PDE10A: variants seen among roughly 807,000 people sequenced by gnomAD.
PDE10A encodes phosphodiesterase 10A.
PDE10A carries 39 observed loss-of-function variants against 97.7 expected under a neutral mutation model. The ratio of observed to expected loss-of-function variants is 0.40; its 90% CI spans 0.31 to 0.52. The LOEUF (loss-of-function observed/expected upper bound fraction) is 0.52. PDE10A is among the 20% of genes least tolerant of loss of function. The pLI is 0.56. For synonymous variants in PDE10A, 371 were observed against 376.8 expected (o/e 0.98, Z 0.18); for missense variants, 731 against 1,047.8 (o/e 0.70, Z 4.17).
chr6:165,438,118 C>T (rs1790159468), intron 5 of PDE10A, among the ~76,000 whole-genome samples: 1 of 152,170 alleles, frequency 6.6e-6, no homozygotes, highest in African/African-American at 2.4e-5. Context: ...GAATCATTAT[C>T]ACTTTTCCAC....
chr6:165,946,127 G>T (rs1783758248), intron 1 of PDE10A, among the ~76,000 whole-genome samples: 1 of 152,152 alleles, frequency 6.6e-6, no homozygotes, highest in African/African-American at 2.4e-5. Flanking sequence ...ATTGGTCACG[G>T]GTTAGGAAGG....
At position 165,358,100 on chromosome 6, in the gene PDE10A, C is replaced by T. The variant is rs188859496; in HGVS notation, c.2784-14598G>A. On this transcript the variant is annotated intron_variant, in intron 18 of 21. Coordinates refer to ENST00000539869, the MANE Select transcript of PDE10A (RefSeq NM_001385079.1). ...GGGTTATTTAGAAGTATACTGTTTA[C>T]TTTCCAAATGGTTGGGGTTTTCCAG... is the stretch of plus-strand genomic sequence containing the variant. Among the ~76,000 whole-genome samples, 1,223 of 152,192 alleles carry T rather than the reference C, an allele frequency of 8.0e-3. 11 individuals carry two copies. The highest frequency in any genetic ancestry group is 0.058 in the South Asian group (281 of 4,818).
At chr6:165,886,370 C>G (rs1009325926) in intron 1 of PDE10A, among the ~76,000 whole-genome samples, 2 of 150,820 alleles carry the variant, frequency 1.3e-5, no homozygotes, top group African/African-American at 4.9e-5. Flanking sequence ...CCCTGGAACC[C>G]TGGAGCCCTG....
chr6:165,696,264 G>T (rs140421115), intron 1 of PDE10A, among the ~76,000 whole-genome samples: 1 of 152,314 alleles, frequency 6.6e-6, no homozygotes, highest in Admixed American at 6.5e-5. Flanking sequence ...ACTTTTCACA[G>T]TTTTGTTTAC....
At chr6:165,369,210 C>T (rs893004423) in intron 18 of PDE10A, among the ~76,000 whole-genome samples, 35 of 152,140 alleles carry the variant, frequency 2.3e-4, no homozygotes, top group Admixed American at 1.3e-3. Flanking sequence ...TCACCAGCAA[C>T]GGAACAAAGC....
At position 165,586,547 on chromosome 6, in the gene PDE10A, AAAG is replaced by A. The variant is rs531251573; in HGVS notation, c.866-42982_866-42980del. ...CTGATACTATATATCAAAAGGCCTA[AAAG>A]AAGAAAAGCAAACCTCTAATTAAAA... On this transcript the variant is annotated intron_variant, in intron 1 of 21. Transcript: ENST00000539869. Among the ~76,000 whole-genome samples the A allele has an allele frequency of 1.6e-3, 248 of 152,330 alleles. 1 individual carries two copies. The Middle Eastern group carries it at 0.02, about 13-fold the overall frequency.
At chr6:165,556,337 T>C (rs1333614557) in intron 1 of PDE10A, among the ~76,000 whole-genome samples, 2 of 151,876 alleles carry the variant, frequency 1.3e-5, no homozygotes, top group Non-Finnish European at 2.9e-5. Context: ...TCAAAACGGG[T>C]AAAAACAGGA....
chr6:165,968,680 A>T (rs1237087854), intron 1 of PDE10A, among the ~76,000 whole-genome samples: 1 of 152,226 alleles, frequency 6.6e-6, no homozygotes, highest in Non-Finnish European at 1.5e-5. Flanking sequence ...AAGGGATTTT[A>T]AAATGTTTTG....
intron 1 of PDE10A, among the ~76,000 whole-genome samples, chr6:165,799,912 A>C (rs1323498701): frequency 6.6e-6 from 1 of 152,224 alleles, no homozygotes; most frequent in Non-Finnish European, 1.5e-5. Context: ...GCAGTTAGCC[A>C]GGTCATCTGG....
intron 1 of PDE10A, among the ~76,000 whole-genome samples, chr6:165,741,137 C>T (rs1364800487): frequency 6.6e-6 from 1 of 152,066 alleles, no homozygotes; most frequent in Non-Finnish European, 1.5e-5. Flanking sequence ...CACATACCTA[C>T]AAAAAGGTAA....
At position 165,805,075 on chromosome 6, in the gene PDE10A, G is replaced by A. The variant is rs576893092; in HGVS notation, c.-615+182454C>T. ...AGAGGAGCATGGAGGGACATGGGGC[G>A]TACGGAGGGGCAGCGGGGCCTGGGG... On this transcript the variant is annotated intron_variant, in intron 1 of 19. Coordinates refer to the PDE10A transcript ENST00000366882. 1.4e-4 allele frequency among the ~76,000 whole-genome samples: 21 copies of A among 149,394 alleles called. 1 individual carries two copies. Among genetic ancestry groups the A allele is most frequent in the African/African-American group, 4.9e-4 (20 of 40,522 alleles).
At chr6:165,339,211 G>T in intron 20 of PDE10A, 67 bp downstream of exon 20, 1 of 889,184 alleles carries the variant, frequency 1.1e-6, no homozygotes, top group Non-Finnish European at 1.9e-6. Context: ...TTCCATTTAT[G>T]TATGATTTTA....
At chr6:165,795,867 G>A (rs1778813516) in intron 1 of PDE10A, among the ~76,000 whole-genome samples, 1 of 152,056 alleles carries the variant, frequency 6.6e-6, no homozygotes, top group South Asian at 2.1e-4. Context: ...TACAGATGAG[G>A]TCAAAAAGAA....
intron 1 of PDE10A, among the ~76,000 whole-genome samples, chr6:165,719,247 T>C (rs1792103483): frequency 6.6e-6 from 1 of 152,130 alleles, no homozygotes; most frequent in South Asian, 2.1e-4. Flanking sequence ...TCATGTTCAA[T>C]GGCACAGCAC....
At chr6:165,344,626 T>G (rs1253927335) in intron 18 of PDE10A, among the ~76,000 whole-genome samples, 1 of 152,210 alleles carries the variant, frequency 6.6e-6, no homozygotes, top group African/African-American at 2.4e-5. Flanking sequence ...GACTCTGCTC[T>G]AGTAGTGCTC....
chr6:165,637,478 C>A (rs1463929190), intron 1 of PDE10A, among the ~76,000 whole-genome samples: 1 of 152,128 alleles, frequency 6.6e-6, no homozygotes, highest in Non-Finnish European at 1.5e-5. Flanking sequence ...GTAACACACA[C>A]AAGACTGCGG....
intron 1 of PDE10A, among the ~76,000 whole-genome samples, chr6:165,939,063 G>T (rs1685096948): frequency 1.3e-5 from 2 of 152,202 alleles, no homozygotes; most frequent in Admixed American, 1.3e-4. Context: ...CCAGCACAAA[G>T]AATTAATTAG....
chr6:165,514,281 T>C (rs1235055856), intron 2 of PDE10A, among the ~76,000 whole-genome samples: 1 of 152,234 alleles, frequency 6.6e-6, no homozygotes, highest in African/African-American at 2.4e-5. Flanking sequence ...ACGAGGTTAA[T>C]ACAAGACTCA....
intron 1 of PDE10A, among the ~76,000 whole-genome samples, chr6:165,680,010 TG>T (rs1790932270): frequency 6.6e-6 from 1 of 152,008 alleles, no homozygotes; most frequent in Non-Finnish European, 1.5e-5. Flanking sequence ...TAGGTGCTGT[TG>T]GGTGCTATGG....
Sources: allele counts gnomAD v4.1 joint callset (sites outside exome capture counted in the v4.1 genomes callset), GRCh38; gene constraint gnomAD v4.1.1; transcripts MANE v1.5; gene names NCBI Gene and HGNC (gene_info 2026-07-23, HGNC 2026-07-21).